Variants in PIGL observed in about 807,000 individuals in gnomAD.
PIGL encodes N-acetylglucosaminyl-phosphatidylinositol de-N-acetylase.
In PIGL, 22 loss-of-function variants were observed where a neutral mutation model predicts 31.1. The observed-to-expected ratio is 0.71, with a 90% CI of 0.51 to 1.01. PIGL has a LOEUF of 1.01. Among genes scored for constraint, PIGL ranks in the 50% least tolerant of loss-of-function variants. The pLI is 0.00. For missense variants in PIGL, 302 were observed against 315.9 expected (o/e 0.96, Z 0.33); for synonymous variants, 131 against 117.4 (o/e 1.12, Z -0.75).
At chr17:16,249,484 AAAAAC>A (rs201292702) in intron 2 of PIGL, among the ~76,000 whole-genome samples, 2 of 152,146 alleles carry the variant, frequency 1.3e-5, no homozygotes, top group Non-Finnish European at 2.9e-5. Flanking sequence ...AGACAAGAAC[AAAAAC>A]AAAACAAAAC....
intron 2 of PIGL, among the ~76,000 whole-genome samples, chr17:16,297,402 C>A (rs1254417179): frequency 6.6e-6 from 1 of 152,226 alleles, no homozygotes; most frequent in Non-Finnish European, 1.5e-5. Context: ...CTTAGCACCT[C>A]AGAACAACAG....
chr17:16,230,312 A>G (rs779144514), intron 1 of PIGL, among the ~76,000 whole-genome samples: 2 of 151,976 alleles, frequency 1.3e-5, no homozygotes, highest in African/African-American at 2.4e-5. Context: ...GTTGGTAGTC[A>G]CTTCTTGCTA....
chr17:16,254,037 A>G (rs898368755), intron 2 of PIGL, among the ~76,000 whole-genome samples: 6 of 151,842 alleles, frequency 4.0e-5, no homozygotes, highest in Non-Finnish European at 5.9e-5. Context: ...CAAATATACC[A>G]TGCTGTCTAA....
intron 3 of PIGL, 67 bp from the exon 4 acceptor site, chr17:16,313,480 G>T (rs1269502082): frequency 8.9e-7 from 1 of 1,127,868 alleles, no homozygotes; most frequent in African/African-American, 1.5e-5. Flanking sequence ...CCAAGGGAAG[G>T]AGACAGCTCC....
intron 2 of PIGL, among the ~76,000 whole-genome samples, chr17:16,293,902 G>T (rs536020594): frequency 6.6e-6 from 1 of 152,200 alleles, no homozygotes; most frequent in East Asian, 1.9e-4. Flanking sequence ...GAGGAGTTCA[G>T]TGAAGGTTTC....
chr17:16,310,890 C>A (rs1440165643), intron 3 of PIGL, among the ~76,000 whole-genome samples: 2 of 152,170 alleles, frequency 1.3e-5, no homozygotes, highest in African/African-American at 4.8e-5. Flanking sequence ...TCAGAAAGAT[C>A]TAAACCCCAA....
intron 2 of PIGL, among the ~76,000 whole-genome samples, chr17:16,297,889 T>C (rs2092989281): frequency 6.6e-6 from 1 of 152,126 alleles, no homozygotes; most frequent in Non-Finnish European, 1.5e-5. Context: ...CGTGGCCTGT[T>C]AGGAACCAGG....
chr17:16,234,775 A>T (rs2092692966), intron 2 of PIGL, among the ~76,000 whole-genome samples: 1 of 152,220 alleles, frequency 6.6e-6, no homozygotes, highest in Non-Finnish European at 1.5e-5. Context: ...AAAAATAATA[A>T]TAATAATAAC....
intron 2 of PIGL, among the ~76,000 whole-genome samples, chr17:16,258,139 A>AAGAG (rs143387730): frequency 2.0e-5 from 2 of 99,368 alleles, no homozygotes; most frequent in African/African-American, 7.8e-5. Context: ...GAGAGAGAGA[A>AAGAG]AGAGAGAGAG....
In PIGL at chr17:16,238,437, CT is replaced by C. The variant is rs1168033433; in HGVS notation, c.335+4383del. Among the ~76,000 whole-genome samples, 210 of 127,748 alleles carry C rather than the reference CT, an allele frequency of 1.6e-3. 1 individual carries two copies. Among genetic ancestry groups the C allele is most frequent in the East Asian group, 7.8e-3 (33 of 4,246 alleles). 83.8% of individuals were successfully genotyped at this position (127,748 alleles called of 152,430 possible). A position where few individuals can be genotyped will look rare whatever the true frequency, so the allele number is the denominator to read the frequency against. On this transcript the variant is annotated intron_variant, in intron 2 of 6. Transcript: ENST00000225609. ...AAGGTACTGGAGTGTTTCTTTTTTT[CT>C]TTTTTTTTTTTTTTTGAGACGGGGT...
intron 1 of PIGL, among the ~76,000 whole-genome samples, chr17:16,233,252 A>C (rs1038467512): frequency 4.6e-5 from 7 of 152,210 alleles, no homozygotes; most frequent in Admixed American, 4.6e-4. Context: ...ACAGTTGCTC[A>C]AAATGAGTCC....
chr17:16,310,539 T>G (rs2093044725), intron 3 of PIGL, among the ~76,000 whole-genome samples: 1 of 152,108 alleles, frequency 6.6e-6, no homozygotes, highest in Non-Finnish European at 1.5e-5. Flanking sequence ...GCAGGTCTTC[T>G]GATTCTTTTT....
At chr17:16,250,409 TA>T (rs1407855781) in intron 2 of PIGL, among the ~76,000 whole-genome samples, 1 of 152,170 alleles carries the variant, frequency 6.6e-6, no homozygotes, top group Non-Finnish European at 1.5e-5. Context: ...CATCCACAGG[TA>T]AAAGGAGGCT....
intron 2 of PIGL, among the ~76,000 whole-genome samples, chr17:16,271,342 C>G (rs2092871205): frequency 2.0e-5 from 3 of 152,108 alleles, no homozygotes; most frequent in South Asian, 4.1e-4. Flanking sequence ...CAAATAGGAG[C>G]CTTGTGTTAG....
intron 5 of PIGL, chr17:16,317,191 G>A (rs375966832): frequency 8.0e-6 from 8 of 1,005,514 alleles, no homozygotes; most frequent in South Asian, 8.6e-5. Context: ...ATACCTCACC[G>A]GCGCAATACG....
intron 2 of PIGL, among the ~76,000 whole-genome samples, chr17:16,257,726 G>A (rs2092800295): frequency 6.6e-6 from 1 of 151,622 alleles, no homozygotes; most frequent in African/African-American, 2.4e-5. Flanking sequence ...AATGGGGTTT[G>A]AGAGAAGAGA....
chr17:16,314,787 T>A (rs1378600273), intron 4 of PIGL, among the ~76,000 whole-genome samples: 1 of 152,146 alleles, frequency 6.6e-6, no homozygotes, highest in Non-Finnish European at 1.5e-5. Context: ...TACAAATTTT[T>A]TTGATGATAT....
chr17:16,264,643 T>G, intron 2 of PIGL, among the ~76,000 whole-genome samples: 1 of 85,076 alleles, frequency 1.2e-5, no homozygotes, highest in African/African-American at 3.4e-5. Context: ...ATTATTATTA[T>G]TATTATTTTG....
chr17:16,303,158 C>T (rs2093011959), intron 3 of PIGL, among the ~76,000 whole-genome samples: 1 of 152,154 alleles, frequency 6.6e-6, no homozygotes, highest in Non-Finnish European at 1.5e-5. Flanking sequence ...CCCCTCCAGA[C>T]CTTCTTCTCA....
Sources: gnomAD v4.1 joint callset for allele counts (sites outside exome capture counted in the v4.1 genomes callset) on GRCh38, gnomAD v4.1.1 for gene constraint, MANE v1.5 for transcripts, NCBI Gene and HGNC (gene_info 2026-07-23, HGNC 2026-07-21) for gene names.